TP53I13: variants seen among roughly 807,000 people sequenced by gnomAD.
TP53I13 encodes tumor protein p53-inducible protein 13.
A neutral mutation model predicts 39.1 loss-of-function variants in TP53I13; 27 were observed. The ratio of observed to expected loss-of-function variants is 0.69; its 90% confidence interval spans 0.51 to 0.95. The LOEUF (loss-of-function observed/expected upper bound fraction) is 0.95. TP53I13 is among the 40% of genes least tolerant of loss of function. The probability of loss-of-function intolerance (pLI) is 0.00; values close to 1 mark genes in which losing one functional copy is unlikely to be tolerated. For synonymous variants in TP53I13, 230 were observed against 224.6 expected (o/e 1.02, Z -0.22); for missense variants, 544 against 520.4 (o/e 1.05, Z -0.44).
downstream of TP53I13, chr17:29,577,194 G>A (rs368446832): frequency 3.7e-6 from 6 of 1,613,966 alleles, no homozygotes; most frequent in South Asian, 1.1e-5. Flanking sequence ...TGAGAATGTC[G>A]ATGATCAAGG....
the TP53I13 span, among the ~76,000 whole-genome samples, chr17:29,582,325 C>A: frequency 6.6e-6 from 1 of 152,368 alleles, no homozygotes; most frequent in South Asian, 2.1e-4. Context: ...TAAACGCTGC[C>A]GTCAGTCACC....
upstream of TP53I13, chr17:29,566,616 C>T: frequency 1.2e-6 from 2 of 1,608,662 alleles, no homozygotes. Context: ...CAGGCCCAGG[C>T]GCTACGGGCA....
At chr17:29,576,956 G>T, downstream of TP53I13, 1 of 1,600,188 alleles carries the variant, frequency 6.2e-7, no homozygotes. Context: ...CGTGTTGGTC[G>T]TCGAGGTCAC....
chr17:29,567,662 C>G (rs1305707953), upstream of TP53I13, among the ~76,000 whole-genome samples: 3 of 152,140 alleles, frequency 2.0e-5, no homozygotes, highest in East Asian at 1.9e-4. The surrounding 1 kb of genome is among the most constrained non-coding windows in gnomAD (Gnocchi z 6.6). Context: ...TCCCCGCGAG[C>G]TCGGGGCTCC....
chr17:29,575,290 G>C (rs766906155), downstream of TP53I13: 17 of 1,610,842 alleles, frequency 1.1e-5, no homozygotes, highest in African/African-American at 2.3e-4. The surrounding 1 kb of genome is among the most constrained non-coding windows in gnomAD (Gnocchi z 5.5). Flanking sequence ...CTCAGTACCT[G>C]TCATGCTTGA....
chr17:29,566,886 T>A, upstream of TP53I13: 2 of 1,492,016 alleles, frequency 1.3e-6, no homozygotes, highest in Non-Finnish European at 1.8e-6. Flanking sequence ...GCCCCCAGGG[T>A]CCCCGGAGCC....
Position 29,572,452 on chromosome 17 carries a change from A to G in TP53I13, c.824A>G (p.Gln275Arg). The G allele has an allele frequency of 6.3e-7, 1 of 1,578,306 alleles. No homozygotes were observed. The highest frequency in any genetic ancestry group is 8.6e-7 in the Non-Finnish European group (1 of 1,159,534). Reference protein sequence around the residue: ...SRTEAQVPNGQGSPGGCVCSS... With the variant: ...SRTEAQVPNGRGSPGGCVCSS... ...ACAGAGGCTCAGGTGCCCAACGGGC[A>G]AGGCAGCCCAGGGGGCTGTGTCTGT... The change falls in exon 6 of 7, where the codon CAA (glutamine) becomes CGA (arginine). Residue 275 changes from glutamine (Q) to arginine (R), a missense_variant. Coordinates refer to ENST00000301057, the MANE Select transcript of TP53I13 (RefSeq NM_138349.4).
upstream of TP53I13, chr17:29,566,689 A>G (rs1412575869): frequency 6.3e-7 from 1 of 1,587,510 alleles, no homozygotes; most frequent in East Asian, 2.3e-5. Context: ...GCCGGCCTCC[A>G]GCGCCTCTGA....
chr17:29,580,629 A>G, the TP53I13 span, among the ~76,000 whole-genome samples: 2 of 152,202 alleles, frequency 1.3e-5, no homozygotes, highest in African/African-American at 4.8e-5. Context: ...AGGCCTAGCC[A>G]GCAGTCACAA....
chr17:29,581,126 G>A, the TP53I13 span: 36 of 590,786 alleles, frequency 6.1e-5, no homozygotes, highest in Middle Eastern at 4.5e-4. The surrounding 1 kb of genome is among the most constrained non-coding windows in gnomAD (Gnocchi z 4.8). Flanking sequence ...TGACAGTCAC[G>A]GGGCTCAGGC....
At chr17:29,579,062 G>T in the TP53I13 span, 2 of 1,357,822 alleles carry the variant, frequency 1.5e-6, no homozygotes, top group Non-Finnish European at 2.1e-6. Context: ...GGCAGCACAC[G>T]CCTTTTCACA....
rs556938990 is a variant in TP53I13, at chr17:29,572,182, C to T, written c.554C>T (p.Pro185Leu). The T allele has an allele frequency of 1.2e-6, 2 of 1,609,060 alleles. No individual in the cohort carries two copies. Among genetic ancestry groups the T allele is most frequent in the South Asian group, 1.1e-5 (1 of 90,990 alleles). ...TTTGCTCTGCGGAGCTGGCGGCCCC[C>T]TGGCACAGAGGTGACATCTCAAGGG... ...LAFALRSWRP[P>L]GTEVTSQGPR... Residue 185 changes from proline to leucine, a missense_variant, in exon 6 of 7, where the codon CCT (proline) becomes CTT (leucine). By Grantham distance (98) the Pro-to-Leu change is moderately conservative. Transcript: ENST00000301057.
At chr17:29,579,373 C>T in the TP53I13 span, 5 of 284,004 alleles carry the variant, frequency 1.8e-5, no homozygotes, top group South Asian at 5.0e-5. Flanking sequence ...TTTTTGGATA[C>T]ACCTGGCTGC....
At position 29,571,673 on chromosome 17, in the gene TP53I13, T is replaced by C. The variant is rs767622942; in HGVS notation, c.266T>C (p.Met89Thr). Residue 89 changes from methionine (M) to threonine (T), a missense_variant, in exon 4 of 7, where the codon ATG becomes ACG. Physicochemically the swap from Met to Thr is moderately conservative, Grantham distance 81. Coordinates refer to ENST00000301057, the MANE Select transcript of TP53I13 (RefSeq NM_138349.4). ...LQLALLAYAC[M>T]ANPSLTPDFS... ...CTTGCCCTCCTGGCCTATGCTTGTA[T>C]GGCTAACCCTTCCCTCACCCCTGAC... The C allele has an allele frequency of 9.6e-5, 155 of 1,614,058 alleles. 1 individual carries two copies. In the East Asian group the frequency reaches 2.0e-3, roughly 21 times the overall value.
downstream of TP53I13, chr17:29,573,283 TA>T (rs1162336739): frequency 4.4e-6 from 1 of 226,382 alleles, no homozygotes; most frequent in Non-Finnish European, 8.6e-6. Flanking sequence ...CATGGGGCTT[TA>T]GGAATGTGCT....
chr17:29,579,178 G>T, the TP53I13 span: 1 of 605,028 alleles, frequency 1.7e-6, no homozygotes, highest in East Asian at 2.8e-5. Context: ...CTTCCTCTCA[G>T]TGACCTGTTT....
rs1393638815 is a variant in TP53I13, at chr17:29,568,822, C to T, written c.64C>T (p.Pro22Ser). 1.3e-6 allele frequency: 2 copies of T among 1,599,586 alleles called. No individual in the cohort carries two copies. The highest frequency in any genetic ancestry group is 1.7e-6 in the Non-Finnish European group (2 of 1,179,498). The stretch of plus-strand genomic sequence containing the variant: ...GGCAGCCCTCGCGAGGCTCCTGGGT[C>T]CCAGCGAGGTAAGGTGACCCGCTCC... ...LLAALARLLGPSEVMAGPAEE... is the reference protein window; with the variant it reads ...LLAALARLLGSSEVMAGPAEE... Residue 22 changes from proline (P) to serine (S), a missense_variant, in exon 1 of 7, where the codon CCC (proline) becomes TCC (serine). Transcript: ENST00000301057. The surrounding 1 kb of genome is among the most constrained non-coding windows in gnomAD (Gnocchi z 4.5).
At chr17:29,576,873 T>A (rs2033225106), downstream of TP53I13, 2 of 1,575,548 alleles carry the variant, frequency 1.3e-6, no homozygotes, top group African/African-American at 1.3e-5. Flanking sequence ...CCGGGCCCGG[T>A]TGCTCCGAGT....
chr17:29,572,623 G>C lies in TP53I13; in HGVS notation c.995G>C (p.Arg332Pro), dbSNP rs1490658624. 1 of 1,590,698 alleles carries C rather than the reference G, an allele frequency of 6.3e-7. No homozygotes were observed. Among genetic ancestry groups the C allele is most frequent in the Non-Finnish European group, 8.6e-7 (1 of 1,169,416 alleles). Residue 332 changes from arginine to proline, a missense_variant, in exon 6 of 7, where the codon CGG becomes CCG. By Grantham distance (103) the Arg-to-Pro change is moderately radical (BLOSUM62 -2). Coordinates refer to ENST00000301057, the MANE Select transcript of TP53I13 (RefSeq NM_138349.4). Reference protein sequence around the residue: ...VLLTLATLCTRLHRNFRRGES... With the variant: ...VLLTLATLCTPLHRNFRRGES... The stretch of plus-strand genomic sequence containing the variant: ...CTCACCCTGGCCACGCTCTGCACAC[G>C]GCTGCACAGAAACTTCCGACGCGGG...
Sources: allele counts gnomAD v4.1 joint callset (sites outside exome capture counted in the v4.1 genomes callset), GRCh38; gene constraint gnomAD v4.1.1; non-coding constraint Gnocchi (gnomAD v3.1); transcripts MANE v1.5; gene names NCBI Gene and HGNC (gene_info 2026-07-23, HGNC 2026-07-21).